LARP1B: variants seen among roughly 807,000 people sequenced by gnomAD.
LARP1B encodes the protein la-related protein 1B.
Under a neutral mutation model 114.2 loss-of-function variants are expected in LARP1B, and 76 were observed. The ratio of observed to expected loss-of-function variants is 0.67; its 90% confidence interval spans 0.55 to 0.81. LARP1B has a LOEUF of 0.81. Ranked by LOEUF, LARP1B falls within the 30% of genes least tolerant of loss-of-function variation. The probability of loss-of-function intolerance (pLI) is 0.00; values close to 1 mark genes in which losing one functional copy is unlikely to be tolerated. For missense variants in LARP1B, 1,014 were observed against 1,075.8 expected, an observed-to-expected ratio of 0.94 and a Z score of 0.80; for synonymous variants, 345 against 348.0, an observed-to-expected ratio of 0.99 and a Z score of 0.10.
chr4:128,201,583 C>T (rs1755957018), intron 17 of LARP1B, among the ~76,000 whole-genome samples: 1 of 152,238 alleles, frequency 6.6e-6, no homozygotes, highest in Non-Finnish European at 1.5e-5. Context: ...GAACCAAGCT[C>T]TCTAGCCTCT....
At chr4:128,140,743 A>G (rs1198026709) in intron 11 of LARP1B, among the ~76,000 whole-genome samples, 1 of 152,120 alleles carries the variant, frequency 6.6e-6, no homozygotes, top group South Asian at 2.1e-4. Flanking sequence ...AAAAGAGGCA[A>G]GCCAAAGCTG....
At chr4:128,061,103 C>A (rs1290293408), upstream of LARP1B, among the ~76,000 whole-genome samples, 4 of 152,012 alleles carry the variant, frequency 2.6e-5, no homozygotes, top group East Asian at 7.8e-4. Flanking sequence ...AGCCGGGAGT[C>A]GTCCCCTTCG....
At chr4:128,187,258 C>T (rs981341817) in intron 15 of LARP1B, among the ~76,000 whole-genome samples, 1 of 152,258 alleles carries the variant, frequency 6.6e-6, no homozygotes, top group Non-Finnish European at 1.5e-5. Context: ...GCCACAGGCA[C>T]TCAGTGCCAG....
chr4:128,073,503 G>T (rs1210380703), intron 1 of LARP1B, among the ~76,000 whole-genome samples: 45 of 117,308 alleles, frequency 3.8e-4, no homozygotes, highest in Admixed American at 3.5e-3. Context: ...CAGCATGAGA[G>T]AAATAAAGAG....
intron 11 of LARP1B, among the ~76,000 whole-genome samples, chr4:128,144,971 TG>T (rs1223420966): frequency 2.0e-5 from 3 of 151,190 alleles, no homozygotes; most frequent in Non-Finnish European, 4.4e-5. Context: ...ACCTTGACTA[TG>T]GGTTACATTT....
At chr4:128,094,073 A>C (rs1250813882) in intron 7 of LARP1B, among the ~76,000 whole-genome samples, 1 of 150,158 alleles carries the variant, frequency 6.7e-6, no homozygotes, top group Non-Finnish European at 1.5e-5. Context: ...TAACTTTTTA[A>C]AAATTTTTTT....
chr4:128,082,187 A>C lies in LARP1B; in HGVS notation c.240A>C (p.Pro80=), dbSNP rs1478989225. ...AAGCTAATAAGCACAAGTGGGTACC[A>C]CTCCACTTAGATGTTGTAAGATCAG... The part of the protein sequence containing the change: ...RKRANKHKWV[P]LHLDVVRSES... Residue 80 remains proline (P), a synonymous_variant, in exon 5 of 20, where the codon CCA becomes CCC. Transcript: ENST00000326639. 1.2e-6 allele frequency: 2 copies of C among 1,611,940 alleles called. No homozygotes were observed. Among genetic ancestry groups the C allele is most frequent in the East Asian group, 2.2e-5 (1 of 44,856 alleles).
chr4:128,115,407 C>T (rs753749954), intron 10 of LARP1B, among the ~76,000 whole-genome samples: 3 of 152,074 alleles, frequency 2.0e-5, no homozygotes, highest in Admixed American at 1.3e-4. Context: ...ACAAATAATT[C>T]ATAAAGTTAG....
At chr4:128,062,332 C>A in intron 1 of LARP1B, 2 of 923,602 alleles carry the variant, frequency 2.2e-6, no homozygotes, top group Non-Finnish European at 2.6e-6. Context: ...CGGCAGGCCT[C>A]CCCTCCCTGT....
Position 128,096,451 on chromosome 4 carries a change from T to G in LARP1B, c.669-1735T>G, listed in dbSNP as rs979461141. Among the ~76,000 whole-genome samples, 2 of 152,184 alleles carry G rather than the reference T, an allele frequency of 1.3e-5. 1 individual carries two copies. The highest frequency in any genetic ancestry group is 2.9e-5 in the Non-Finnish European group (2 of 68,028). On this transcript the variant is annotated intron_variant, in intron 7 of 19. Coordinates refer to ENST00000326639, the MANE Select transcript of LARP1B (RefSeq NM_018078.4). ...CTGATCATACTGACAGTTCATCCAT[T>G]TACATTTCTCTCGGAAAGGTTAAGT...
At chr4:128,146,892 C>T (rs375148141) in intron 11 of LARP1B, among the ~76,000 whole-genome samples, 54 of 152,214 alleles carry the variant, frequency 3.5e-4, no homozygotes, top group Middle Eastern at 3.4e-3. Context: ...TCCTAAATAA[C>T]GAATATTCTA....
intron 13 of LARP1B, 52 bp downstream of exon 13, chr4:128,176,959 G>T: frequency 6.8e-7 from 1 of 1,473,608 alleles, no homozygotes; most frequent in Non-Finnish European, 9.5e-7. Flanking sequence ...TTTGCATTGG[G>T]TATACAAAAG....
At chr4:128,181,815 T>C (rs1167629295) in intron 15 of LARP1B, among the ~76,000 whole-genome samples, 5 of 142,862 alleles carry the variant, frequency 3.5e-5, no homozygotes, top group East Asian at 2.0e-4. Flanking sequence ...TTTTTTTTTT[T>C]TTTTTTTTGA....
intron 1 of LARP1B, among the ~76,000 whole-genome samples, chr4:128,068,173 C>T (rs1283191949): frequency 2.6e-5 from 4 of 152,158 alleles, no homozygotes; most frequent in African/African-American, 4.8e-5. Flanking sequence ...AGCCACTGCG[C>T]CCGGCCAATA....
At position 128,086,106 on chromosome 4, in the gene LARP1B, C is replaced by T. The variant is rs1006387647; in HGVS notation, c.358+3801C>T. On this transcript the variant is annotated intron_variant, in intron 5 of 19. Transcript: ENST00000326639. ...TCGGCTCGCTGCAAGTTCCGCCTCC[C>T]TGGTTCACGCCATTCACCCACTGAG... Among the ~76,000 whole-genome samples the T allele has an allele frequency of 1.3e-4, 20 of 149,294 alleles. No homozygotes were observed. The South Asian group carries it at 2.6e-3, about 19-fold the overall frequency.
chr4:128,168,582 A>C (rs1175136148), intron 12 of LARP1B, among the ~76,000 whole-genome samples: 1 of 151,972 alleles, frequency 6.6e-6, no homozygotes, highest in Non-Finnish European at 1.5e-5. Context: ...GGCTCACGTC[A>C]TGTGGCTTGT....
Position 128,138,103 on chromosome 4 carries a change from C to T in LARP1B, c.1524+15915C>T, listed in dbSNP as rs190796473. The stretch of plus-strand genomic sequence containing the variant: ...AGGAAAAGAATTAGCAATATAAACT[C>T]CCATAAAAAATATGGAAGGAAATAA... On this transcript the variant is annotated intron_variant, in intron 11 of 19. Transcript: ENST00000326639. 2.1e-4 allele frequency among the ~76,000 whole-genome samples: 32 copies of T among 151,882 alleles called. No homozygotes were observed. In the East Asian group the frequency reaches 4.6e-3, roughly 22 times the overall value.
At chr4:128,173,143 C>T (rs1193046330) in intron 12 of LARP1B, among the ~76,000 whole-genome samples, 1 of 151,936 alleles carries the variant, frequency 6.6e-6, no homozygotes, top group Non-Finnish European at 1.5e-5. Context: ...AAGTGTGAAT[C>T]CAGGATTTGG....
At chr4:128,213,278 TTAAA>T (rs1759236257), downstream of LARP1B, among the ~76,000 whole-genome samples, 1 of 152,248 alleles carries the variant, frequency 6.6e-6, no homozygotes, top group Non-Finnish European at 1.5e-5. Flanking sequence ...TTTAATCATT[TTAAA>T]TAGTGACCAT....
Sources: allele counts gnomAD v4.1 joint callset (sites outside exome capture counted in the v4.1 genomes callset), GRCh38; gene constraint gnomAD v4.1.1; transcripts MANE v1.5; gene names NCBI Gene and HGNC (gene_info 2026-07-23, HGNC 2026-07-21).